MCTP1: variants seen among roughly 807,000 people sequenced by gnomAD.
MCTP1 encodes multiple C2 and transmembrane domain-containing protein 1.
Under a neutral mutation model 120.6 loss-of-function variants are expected in MCTP1, and 69 were observed. The ratio of observed to expected loss-of-function variants is 0.57; its 90% CI spans 0.47 to 0.70. The LOEUF (loss-of-function observed/expected upper bound fraction) is 0.70, where lower values mean the gene tolerates loss of function less well. Among genes scored for constraint, MCTP1 ranks in the 30% least tolerant of loss-of-function variants. The pLI is 0.00. For synonymous variants in MCTP1, 529 were observed against 493.1 expected, an observed-to-expected ratio of 1.07 and a Z score of -0.96; for missense variants, 1,203 against 1,248.8, an observed-to-expected ratio of 0.96 and a Z score of 0.55.
intron 5 of MCTP1, among the ~76,000 whole-genome samples, chr5:94,936,968 C>T (rs1357700424): frequency 6.6e-6 from 1 of 151,964 alleles, no homozygotes; most frequent in East Asian, 1.9e-4. Context: ...TTGATTGTAC[C>T]CACGAGGATG....
intron 1 of MCTP1, among the ~76,000 whole-genome samples, chr5:95,127,841 T>C (rs1046335131): frequency 1.3e-5 from 2 of 152,150 alleles, no homozygotes; most frequent in African/African-American, 4.8e-5. Flanking sequence ...AGTGCAAAGA[T>C]GGAGGCATAA....
At chr5:95,042,288 C>CA (rs927271573) in intron 1 of MCTP1, among the ~76,000 whole-genome samples, 2 of 152,132 alleles carry the variant, frequency 1.3e-5, no homozygotes, top group African/African-American at 4.8e-5. Context: ...AAGTGAGTGT[C>CA]AAGTACACAC....
chr5:94,945,207 C>A (rs1581489344), intron 3 of MCTP1, among the ~76,000 whole-genome samples: 1 of 152,222 alleles, frequency 6.6e-6, no homozygotes, highest in Non-Finnish European at 1.5e-5. Flanking sequence ...ATGGGTCCTT[C>A]CCACCACTAG....
chr5:95,107,900 G>T (rs1348312911), intron 1 of MCTP1, among the ~76,000 whole-genome samples: 1 of 152,232 alleles, frequency 6.6e-6, no homozygotes, highest in East Asian at 1.9e-4. Flanking sequence ...GTGCAGGTTT[G>T]TTACATAGGT....
intron 18 of MCTP1, among the ~76,000 whole-genome samples, chr5:94,780,118 T>C (rs375873507): frequency 6.6e-6 from 1 of 151,754 alleles, no homozygotes; most frequent in Non-Finnish European, 1.5e-5. Context: ...TGACATTTGA[T>C]ATGGTTTTTA....
intron 2 of MCTP1, among the ~76,000 whole-genome samples, chr5:95,016,100 A>T (rs1025259703): frequency 6.6e-6 from 1 of 152,156 alleles, no homozygotes; most frequent in South Asian, 2.1e-4. Flanking sequence ...TAAACCAGAC[A>T]GTTATTTTGA....
At chr5:94,818,547 C>T (rs1784952909) in intron 17 of MCTP1, among the ~76,000 whole-genome samples, 1 of 152,144 alleles carries the variant, frequency 6.6e-6, no homozygotes, top group Non-Finnish European at 1.5e-5. Context: ...CTAGAGGCTT[C>T]CTAGAGAGTA....
intron 2 of MCTP1, among the ~76,000 whole-genome samples, chr5:95,004,656 A>C (rs1032749908): frequency 6.6e-6 from 1 of 152,210 alleles, no homozygotes; most frequent in Non-Finnish European, 1.5e-5. Context: ...AGAGAGTTCA[A>C]GCCAAAAACC....
intron 17 of MCTP1, among the ~76,000 whole-genome samples, chr5:94,819,106 T>C (rs470294): frequency 6.3e-5 from 6 of 95,862 alleles, no homozygotes; most frequent in Admixed American, 4.0e-4. Flanking sequence ...TTTATTTATT[T>C]ATTTATTTAT....
chr5:94,999,383 A>G (rs1833212741), intron 2 of MCTP1, among the ~76,000 whole-genome samples: 1 of 152,208 alleles, frequency 6.6e-6, no homozygotes, highest in Non-Finnish European at 1.5e-5. Flanking sequence ...TTGTTAATAG[A>G]TGCTAAATTA....
intron 2 of MCTP1, among the ~76,000 whole-genome samples, chr5:94,982,387 T>G (rs1024127237): frequency 6.6e-6 from 1 of 152,138 alleles, no homozygotes; most frequent in Non-Finnish European, 1.5e-5. Context: ...AATGACACAC[T>G]TATGGTGTAT....
chr5:94,910,643 T>C (rs1192728943), intron 9 of MCTP1, among the ~76,000 whole-genome samples: 4 of 152,156 alleles, frequency 2.6e-5, no homozygotes, highest in Non-Finnish European at 5.9e-5. Flanking sequence ...CACATGTCCA[T>C]TGCTGGGTTT....
intron 1 of MCTP1, among the ~76,000 whole-genome samples, chr5:95,191,270 C>T (rs1187971590): frequency 6.6e-6 from 1 of 151,946 alleles, no homozygotes; most frequent in Non-Finnish European, 1.5e-5. Context: ...GCTATCAAAT[C>T]CTATTCCTTT....
In MCTP1 at chr5:95,170,321, T is replaced by C. The variant is rs1011141065; in HGVS notation, c.720+113535A>G. 5.3e-5 allele frequency among the ~76,000 whole-genome samples: 8 copies of C among 152,340 alleles called. No individual in the cohort carries two copies. In the East Asian group the frequency reaches 1.5e-3, roughly 29 times the overall value. Reference sequence around the variant, plus strand: ...TCTTTTACATTTGCTGAGGAGTGCTTTACTTCCAACTATGTGGTCAATTTT... The same window carrying C: ...TCTTTTACATTTGCTGAGGAGTGCTCTACTTCCAACTATGTGGTCAATTTT... On this transcript the variant is annotated intron_variant, in intron 1 of 22. Coordinates refer to ENST00000515393, the MANE Select transcript of MCTP1 (RefSeq NM_024717.7).
intron 1 of MCTP1, among the ~76,000 whole-genome samples, chr5:95,193,930 G>C (rs1424908653): frequency 6.6e-6 from 1 of 152,170 alleles, no homozygotes; most frequent in Non-Finnish European, 1.5e-5. Context: ...ATTACTGAAA[G>C]CCAGGCGTGG....
intron 17 of MCTP1, among the ~76,000 whole-genome samples, chr5:94,856,108 G>A (rs975873348): frequency 6.6e-6 from 1 of 151,660 alleles, no homozygotes; most frequent in Admixed American, 6.6e-5. Flanking sequence ...AAATTATATA[G>A]TGTTTTATAC....
intron 1 of MCTP1, among the ~76,000 whole-genome samples, chr5:95,234,285 CAA>C (rs904289918): frequency 1.3e-4 from 20 of 152,188 alleles, no homozygotes; most frequent in African/African-American, 3.6e-4. Flanking sequence ...GTTGTAAACA[CAA>C]AGACTTATCT....
chr5:95,263,345 A>C (rs1467526183), intron 1 of MCTP1, among the ~76,000 whole-genome samples: 1 of 152,180 alleles, frequency 6.6e-6, no homozygotes, highest in Admixed American at 6.5e-5. Flanking sequence ...GATCAAAGCA[A>C]GTCTGTAGTT....
chr5:95,028,663 T>C (rs535248247), intron 1 of MCTP1, among the ~76,000 whole-genome samples: 1 of 152,346 alleles, frequency 6.6e-6, no homozygotes, highest in African/African-American at 2.4e-5. Flanking sequence ...TCTCTTTTCT[T>C]AAGCCTTATG....
Sources: allele counts gnomAD v4.1 joint callset (sites outside exome capture counted in the v4.1 genomes callset), GRCh38; gene constraint gnomAD v4.1.1; transcripts MANE v1.5; gene names NCBI Gene and HGNC (gene_info 2026-07-23, HGNC 2026-07-21).